Variants in GPC6 observed in about 807,000 individuals in gnomAD.
GPC6 encodes glypican 6.
GPC6 carries 14 observed loss-of-function variants against 55.2 expected under a neutral mutation model. The observed-to-expected ratio is 0.25, with a 90% CI of 0.17 to 0.40. The LOEUF is 0.40. GPC6 is among the 10% of genes least tolerant of loss of function. The pLI is 1.00. For missense variants in GPC6, 641 were observed against 708.5 expected (o/e 0.90, Z 1.08); for synonymous variants, 278 against 259.6 (o/e 1.07, Z -0.68).
intron 1 of GPC6, among the ~76,000 whole-genome samples, chr13:93,317,124 CT>C (rs1411537909): frequency 6.6e-5 from 10 of 151,998 alleles, no homozygotes; most frequent in Non-Finnish European, 1.5e-4. Context: ...AATTGGCTGA[CT>C]TTTAACACAC....
intron 2 of GPC6, among the ~76,000 whole-genome samples, chr13:93,645,907 A>G (rs1033660495): frequency 2.0e-5 from 3 of 152,120 alleles, no homozygotes; most frequent in African/African-American, 4.8e-5. Context: ...ACAAAATACT[A>G]TTAATGACTA....
At chr13:94,372,895 G>A (rs924944459) in intron 6 of GPC6, among the ~76,000 whole-genome samples, 11 of 151,768 alleles carry the variant, frequency 7.2e-5, no homozygotes, top group Non-Finnish European at 1.5e-4. Flanking sequence ...TCCTCAAGTG[G>A]GTCCCTGACC....
At chr13:93,490,018 G>A (rs932488410) in intron 1 of GPC6, among the ~76,000 whole-genome samples, 6 of 146,436 alleles carry the variant, frequency 4.1e-5, no homozygotes, top group Admixed American at 7.9e-5. Context: ...AATAGGAGTG[G>A]TGAGAGAGGG....
chr13:93,882,300 C>G (rs1209395098), intron 3 of GPC6, among the ~76,000 whole-genome samples: 1 of 151,936 alleles, frequency 6.6e-6, no homozygotes, highest in Non-Finnish European at 1.5e-5. Context: ...GCACGTGCCA[C>G]TACACCCAGC....
intron 3 of GPC6, among the ~76,000 whole-genome samples, chr13:93,987,926 T>G (rs1881107606): frequency 6.6e-6 from 1 of 152,046 alleles, no homozygotes; most frequent in African/African-American, 2.4e-5. Context: ...CTACAAAGGG[T>G]CAACTGCCTC....
At chr13:93,267,360 G>A (rs1877357970) in intron 1 of GPC6, among the ~76,000 whole-genome samples, 1 of 150,892 alleles carries the variant, frequency 6.6e-6, no homozygotes, top group Non-Finnish European at 1.5e-5. Context: ...TTGATCTCTT[G>A]GATCACTCAT....
chr13:93,786,102 G>A (rs1231605847), intron 2 of GPC6, among the ~76,000 whole-genome samples: 2 of 152,290 alleles, frequency 1.3e-5, no homozygotes, highest in East Asian at 3.9e-4. Flanking sequence ...CTTGGTCAGT[G>A]TGGACGCCAA....
intron 2 of GPC6, among the ~76,000 whole-genome samples, chr13:93,723,043 T>C (rs1358393537): frequency 2.0e-5 from 3 of 151,982 alleles, no homozygotes; most frequent in African/African-American, 7.2e-5. Context: ...CAGCATATAT[T>C]TTTGGAGAAT....
intron 2 of GPC6, among the ~76,000 whole-genome samples, chr13:93,788,145 C>T (rs1226820821): frequency 6.6e-6 from 1 of 152,064 alleles, no homozygotes; most frequent in Non-Finnish European, 1.5e-5. Context: ...AATCACAGTT[C>T]TAGAGGGTGG....
At chr13:93,240,281 T>C (rs948312574) in intron 1 of GPC6, among the ~76,000 whole-genome samples, 3 of 152,184 alleles carry the variant, frequency 2.0e-5, no homozygotes, top group Non-Finnish European at 4.4e-5. Context: ...TATTAGTATT[T>C]GTTTTACAAA....
chr13:94,286,882 T>C (rs1008142159), intron 5 of GPC6, among the ~76,000 whole-genome samples: 14 of 152,238 alleles, frequency 9.2e-5, no homozygotes, highest in African/African-American at 2.9e-4. Flanking sequence ...GCACATGTTC[T>C]ATATTTTCCA....
chr13:94,372,149 C>T (rs1201090449), intron 6 of GPC6, among the ~76,000 whole-genome samples: 1 of 151,950 alleles, frequency 6.6e-6, no homozygotes, highest in Non-Finnish European at 1.5e-5. Flanking sequence ...CTTTCACTTG[C>T]CCTCTTTTGA....
At chr13:93,451,328 T>C (rs761159930) in intron 1 of GPC6, among the ~76,000 whole-genome samples, 4 of 152,252 alleles carry the variant, frequency 2.6e-5, no homozygotes, top group African/African-American at 9.6e-5. Context: ...GATCTTTTCC[T>C]AGTTCATTCA....
At chr13:94,050,133 A>G (rs1883889698) in intron 4 of GPC6, among the ~76,000 whole-genome samples, 1 of 152,108 alleles carries the variant, frequency 6.6e-6, no homozygotes, top group Non-Finnish European at 1.5e-5. Flanking sequence ...TATCAGCATC[A>G]TGAAAACAAA....
intron 3 of GPC6, among the ~76,000 whole-genome samples, chr13:94,021,351 A>G (rs1039116997): frequency 1.3e-5 from 2 of 151,880 alleles, no homozygotes; most frequent in African/African-American, 4.8e-5. Context: ...ATTGGCTACT[A>G]TTAGGAATAG....
Position 94,000,111 on chromosome 13 carries a change from T to C in GPC6, c.712-27618T>C, listed in dbSNP as rs939367312. On this transcript the variant is annotated intron_variant, in intron 3 of 8. Coordinates refer to ENST00000377047, the MANE Select transcript of GPC6 (RefSeq NM_005708.5). ...TGTGCTTTTCCTTGTTTGTTTCTCTTCTTCTGGAATACCCTGTCAGACATC... is the reference window on the plus strand; with the variant it reads ...TGTGCTTTTCCTTGTTTGTTTCTCTCCTTCTGGAATACCCTGTCAGACATC... Among the ~76,000 whole-genome samples the C allele has an allele frequency of 4.6e-5, 7 of 152,268 alleles. No homozygotes were observed. The East Asian group carries it at 1.2e-3, about 25-fold the overall frequency.
rs1884462244 is a variant in GPC6 at position 93,748,144 on chromosome 13, A to C, written c.320-82010A>C. ...TACTGCCTTAAATTCTGTTTTGCTCAATATTACCAACGATACTATTCTTTT... is the reference window on the plus strand; with the variant it reads ...TACTGCCTTAAATTCTGTTTTGCTCCATATTACCAACGATACTATTCTTTT... On this transcript the variant is annotated intron_variant, in intron 2 of 8. Transcript: ENST00000377047. 2.0e-5 allele frequency among the ~76,000 whole-genome samples: 3 copies of C among 152,164 alleles called. No homozygotes were observed. The South Asian group carries it at 6.2e-4, about 32-fold the overall frequency.
chr13:93,620,871 G>A (rs944392229), intron 2 of GPC6, among the ~76,000 whole-genome samples: 1 of 152,030 alleles, frequency 6.6e-6, no homozygotes, highest in Non-Finnish European at 1.5e-5. Context: ...TACCACCAAC[G>A]AGGCCACATC....
At chr13:93,469,424 C>G (rs1879029880) in intron 1 of GPC6, among the ~76,000 whole-genome samples, 1 of 152,076 alleles carries the variant, frequency 6.6e-6, no homozygotes, top group African/African-American at 2.4e-5. Context: ...TAATATTTTT[C>G]TCAATCTGTT....
Sources: allele counts gnomAD v4.1 joint callset (sites outside exome capture counted in the v4.1 genomes callset), GRCh38; gene constraint gnomAD v4.1.1; transcripts MANE v1.5; gene names NCBI Gene and HGNC (gene_info 2026-07-23, HGNC 2026-07-21).